DGKK: variants seen among roughly 807,000 people sequenced by gnomAD.
DGKK encodes 142 kDa diacylglycerol kinase.
A neutral mutation model predicts 92.2 loss-of-function variants in DGKK; 35 were observed. That is an observed-to-expected ratio of 0.38 (90% CI 0.29 to 0.50). DGKK has a LOEUF of 0.50. Ranked by LOEUF, DGKK falls within the 20% of genes least tolerant of loss-of-function variation. The probability of loss-of-function intolerance (pLI) is 0.92; values close to 1 mark genes in which losing one functional copy is unlikely to be tolerated. For missense variants in DGKK, 910 were observed against 992.2 expected (o/e 0.92, Z 1.11); for synonymous variants, 368 against 360.6 (o/e 1.02, Z -0.23).
intron 1 of DGKK, among the ~76,000 whole-genome samples, chrX:50,464,993 C>A (rs1423410190): frequency 1.8e-5 from 2 of 111,504 alleles, no homozygotes; most frequent in Non-Finnish European, 3.8e-5. Context: ...GCCTCCTCTG[C>A]ACATTTTATG....
At chrX:50,424,421 T>C (rs1925682797) in intron 1 of DGKK, 63 bp from the exon 2 acceptor site, 17 of 1,007,015 alleles carry the variant, frequency 1.7e-5, no homozygotes, top group Non-Finnish European at 2.1e-5. Context: ...TCACTTGTTT[T>C]CTCAGATGGA....
At chrX:50,408,884 A>G (rs1046260097) in intron 4 of DGKK, among the ~76,000 whole-genome samples, 13 of 111,668 alleles carry the variant, frequency 1.2e-4, no homozygotes, top group African/African-American at 4.2e-4. Context: ...TTAACGCTGG[A>G]ATGTGCTATG....
rs1927025551 is a variant in DGKK, at chrX:50,470,229, G to A, written c.450C>T (p.Ala150=). The change falls in exon 1 of 28, where the codon GCC becomes GCT. Residue 150 remains alanine, a synonymous_variant. Transcript: ENST00000611977. ...TCACAGGTTCTGGGGTCGGCTCTGG[G>A]GCCAGCTCTGGGGCAACTTCTGGAG... The part of the protein sequence containing the change: ...ELTPEVAPEL[A]PEPTPEPVTE... The A allele has an allele frequency of 8.3e-7, 1 of 1,209,733 alleles. No individual in the cohort carries two copies. The highest frequency in any genetic ancestry group is 1.8e-5 in the South Asian group (1 of 56,691).
chrX:50,463,375 C>CA (rs1380381938), intron 1 of DGKK, among the ~76,000 whole-genome samples: 5 of 59 alleles, frequency 0.085, no homozygotes, highest in Admixed American at 0.2. Flanking sequence ...CTCCACCTCT[C>CA]CCTTTGTCTC....
chrX:50,404,059 G>A lies in DGKK; in HGVS notation c.1068C>T (p.Ile356=), dbSNP rs782128151. The change falls in exon 5 of 28, where the codon ATC becomes ATT. Residue 356 remains isoleucine, a synonymous_variant. Transcript: ENST00000611977. The stretch of plus-strand genomic sequence containing the variant: ...GAATCAGAAAGGTACCTTCACAGAT[G>A]ATGGCATCTCTAGATAAGGCAGGAA... ...ESIPALSRDA[I]ICEVCKVKSH... is the part of the protein sequence containing the mutation. 2.5e-6 allele frequency: 3 copies of A among 1,208,627 alleles called. No homozygotes were observed. The Admixed American group carries it at 6.6e-5, about 27-fold the overall frequency.
chrX:50,400,981 T>C (rs1231298496), intron 8 of DGKK, 56 bp downstream of exon 8: 4 of 1,073,715 alleles, frequency 3.7e-6, no homozygotes, highest in Non-Finnish European at 3.8e-6. Flanking sequence ...CTTCCCAGCC[T>C]TTGCACCTTC....
At chrX:50,413,606 C>A (rs868968859) in intron 4 of DGKK, among the ~76,000 whole-genome samples, 1 of 111,883 alleles carries the variant, frequency 8.9e-6, no homozygotes. Flanking sequence ...TGAAAAAATG[C>A]TCAATATCAT....
chrX:50,429,009 G>A (rs979738453), intron 1 of DGKK, among the ~76,000 whole-genome samples: 15 of 111,680 alleles, frequency 1.3e-4, no homozygotes, highest in African/African-American at 4.9e-4. Flanking sequence ...AGGTCCTGAG[G>A]CAAAAATTGG....
In DGKK at chrX:50,470,184, G is replaced by A; in HGVS notation, c.495C>T (p.Phe165=). ...GGAACTCTGGAGCCGCCTCAGGGCAGAACTCTGGGGCCAGCTCTGTCACAG... is the reference window on the plus strand; with the variant it reads ...GGAACTCTGGAGCCGCCTCAGGGCAAAACTCTGGGGCCAGCTCTGTCACAG... ...PEPVTELAPE[F]CPEAAPEFRP... is the part of the protein sequence containing the mutation. The change falls in exon 1 of 28, where the codon TTC becomes TTT. Residue 165 remains phenylalanine (F), a synonymous_variant. Transcript: ENST00000611977. The A allele has an allele frequency of 5.8e-6, 7 of 1,212,118 alleles. No individual in the cohort carries two copies. Among genetic ancestry groups the A allele is most frequent in the Non-Finnish European group, 7.8e-6 (7 of 895,500 alleles).
intron 17 of DGKK, among the ~76,000 whole-genome samples, chrX:50,383,104 C>T (rs1036861356): frequency 5.4e-5 from 6 of 111,665 alleles, no homozygotes; most frequent in African/African-American, 2.0e-4. Context: ...AACAAAAAAG[C>T]CAAATTATTT....
At chrX:50,439,612 C>T (rs1452102594) in intron 1 of DGKK, among the ~76,000 whole-genome samples, 1 of 110,605 alleles carries the variant, frequency 9.0e-6, no homozygotes, top group Non-Finnish European at 1.9e-5. Context: ...TAGTGTTTTG[C>T]CCCAAATTTG....
intron 7 of DGKK, among the ~76,000 whole-genome samples, chrX:50,402,266 G>T (rs1169504488): frequency 4.5e-5 from 5 of 110,871 alleles, no homozygotes; most frequent in African/African-American, 1.6e-4. Flanking sequence ...AAAATTAGCT[G>T]GGCATGGTGG....
intron 1 of DGKK, among the ~76,000 whole-genome samples, chrX:50,451,114 CT>C (rs1557232409): frequency 1.8e-5 from 2 of 111,128 alleles, no homozygotes; most frequent in African/African-American, 3.3e-5. Flanking sequence ...AAATAGTTTT[CT>C]TCTCTAAGTG....
intron 8 of DGKK, among the ~76,000 whole-genome samples, chrX:50,398,563 G>A (rs146046090): frequency 7.1e-5 from 8 of 111,902 alleles, no homozygotes; most frequent in East Asian, 2.8e-4. Context: ...ATTAGCCCAG[G>A]TGCTCCTAAG....
Position 50,366,205 on chromosome X carries a change from T to TA in DGKK, c.*2734dup, listed in dbSNP as rs1423450711. On this transcript the variant is annotated 3_prime_UTR_variant, in exon 28 of 28. Coordinates refer to ENST00000611977, the MANE Select transcript of DGKK (RefSeq NM_001013742.4). ...TTAAAGGAGCTCACACTCCCAGAGC[T>TA]AAGACAACTCCCTTGAGGCATCACT... The TA allele has an allele frequency of 2.7e-5, 3 of 112,467 alleles. No individual in the cohort carries two copies. Among genetic ancestry groups the TA allele is most frequent in the African/African-American group, 9.7e-5 (3 of 30,930 alleles). The allele number at this position is 112,467 out of a possible 1,213,427, so 9.3% of individuals were successfully genotyped here.
At chrX:50,396,412 A>G (rs1287007228) in intron 8 of DGKK, among the ~76,000 whole-genome samples, 1 of 112,192 alleles carries the variant, frequency 8.9e-6, no homozygotes, top group Non-Finnish European at 1.9e-5. Flanking sequence ...ATGTGTATAT[A>G]TGTATTTCTT....
chrX:50,378,621 G>A lies in DGKK; in HGVS notation c.2933C>T (p.Ala978Val), dbSNP rs868924312. Residue 978 changes from alanine (A) to valine (V), a missense_variant, in exon 21 of 28, where the codon GCA (alanine) becomes GTA (valine). Transcript: ENST00000611977. Reference protein sequence around the residue: ...VVAIFGSVQMAMSRIINLHHH... With the variant: ...VVAIFGSVQMVMSRIINLHHH... ...ATGCAGGTTGATGATACGGGACATT[G>A]CCATCTGCACAGAACCAAAGATTGC... 3.3e-6 allele frequency: 4 copies of A among 1,207,887 alleles called. No homozygotes were observed. Among genetic ancestry groups the A allele is most frequent in the Non-Finnish European group, 3.4e-6 (3 of 894,280 alleles).
At chrX:50,442,647 T>C (rs1348851363) in intron 1 of DGKK, among the ~76,000 whole-genome samples, 1 of 111,598 alleles carries the variant, frequency 9.0e-6, no homozygotes, top group Non-Finnish European at 1.9e-5. Context: ...ATTTCTATTG[T>C]TGAGTAACAA....
intron 24 of DGKK, 124 bp downstream of exon 24, chrX:50,375,900 C>T (rs1924257524): frequency 1.2e-6 from 1 of 850,463 alleles, no homozygotes. Context: ...CGTCCACTCT[C>T]TCCATCAGTT....
Sources: allele counts gnomAD v4.1 joint callset (sites outside exome capture counted in the v4.1 genomes callset), GRCh38; gene constraint gnomAD v4.1.1; transcripts MANE v1.5; gene names NCBI Gene and HGNC (gene_info 2026-07-23, HGNC 2026-07-21).